ANKRD62: variants seen among roughly 807,000 people sequenced by gnomAD.
The protein encoded by ANKRD62 is ankyrin repeat domain-containing protein 62.
A neutral mutation model predicts 98.8 loss-of-function variants in ANKRD62; 61 were observed. The observed-to-expected ratio is 0.62, with a 90% CI of 0.50 to 0.76. The LOEUF (loss-of-function observed/expected upper bound fraction) is 0.76. Ranked by LOEUF, ANKRD62 falls within the 30% of genes least tolerant of loss-of-function variation. The pLI is 0.00. For missense variants in ANKRD62, 933 were observed against 1,082.9 expected (o/e 0.86, Z 1.94); for synonymous variants, 341 against 367.9 (o/e 0.93, Z 0.84).
intron 6 of ANKRD62, chr18:12,102,733 C>T: frequency 2.0e-6 from 2 of 1,007,320 alleles, no homozygotes; most frequent in Non-Finnish European, 2.4e-6. Flanking sequence ...TAAGCAGTAA[C>T]AGTCATATTG....
intron 10 of ANKRD62, 125 bp from the exon 11 acceptor site, chr18:12,122,178 G>A (rs1158147665): frequency 1.6e-6 from 1 of 635,770 alleles, no homozygotes; most frequent in Non-Finnish European, 2.5e-6. Context: ...TTTCCACATT[G>A]CAAGCACTTA....
chr18:12,160,595 G>C, the ANKRD62 span, among the ~76,000 whole-genome samples: 155 of 152,216 alleles, frequency 1.0e-3, no homozygotes, highest in Non-Finnish European at 1.8e-3. Context: ...TTCAGCTGGG[G>C]CTTGTATTTC....
At chr18:12,106,821 G>T (rs1444673258) in intron 7 of ANKRD62, among the ~76,000 whole-genome samples, 1 of 152,108 alleles carries the variant, frequency 6.6e-6, no homozygotes, top group Non-Finnish European at 1.5e-5. Context: ...AAAAGACAGT[G>T]GGAAAAGAAA....
chr18:12,094,338 G>T, intron 1 of ANKRD62, 103 bp downstream of exon 1: 2 of 385,168 alleles, frequency 5.2e-6, no homozygotes, highest in Admixed American at 1.1e-4. Flanking sequence ...AGGCGTGGGT[G>T]GGGTGGAAGT....
At chr18:12,107,153 G>T in intron 7 of ANKRD62, 142 bp from the exon 8 acceptor site, 3 of 288,758 alleles carry the variant, frequency 1.0e-5, no homozygotes, top group Non-Finnish European at 1.2e-5. Context: ...TATATATAAT[G>T]AAAAAGTAAG....
In ANKRD62 at chr18:12,102,092, C is replaced by G. The variant is rs1909311605; in HGVS notation, c.821-1066C>G. The G allele has an allele frequency of 2.9e-6, 4 of 1,371,930 alleles. No individual in the cohort carries two copies. In the Admixed American group the frequency reaches 6.7e-5, roughly 23 times the overall value. The allele number at this position is 1,371,930 out of a possible 1,614,324, so 85.0% of individuals were successfully genotyped here. Reference sequence around the variant, plus strand: ...GTTAAAGCTGAAAGTGCCAGAAGCTCTGCCTTGGGAGCTTTCTGCAAGGCA... The same window carrying G: ...GTTAAAGCTGAAAGTGCCAGAAGCTGTGCCTTGGGAGCTTTCTGCAAGGCA... On this transcript the variant is annotated intron_variant, in intron 6 of 13. Coordinates refer to ENST00000587848, the MANE Select transcript of ANKRD62 (RefSeq NM_001277333.2).
chr18:12,139,983 C>G, the ANKRD62 span, among the ~76,000 whole-genome samples: 1 of 152,200 alleles, frequency 6.6e-6, no homozygotes, highest in East Asian at 1.9e-4. Flanking sequence ...TTCAGGTACA[C>G]CAATGATATG....
chr18:12,097,840 C>T (rs1909214667), intron 5 of ANKRD62, 63 bp downstream of exon 5: 11 of 1,498,306 alleles, frequency 7.3e-6, no homozygotes, highest in Non-Finnish European at 8.9e-6. Context: ...ACCATTGCAT[C>T]TTATATATCA....
chr18:12,097,703 C>CAAT lies in ANKRD62; in HGVS notation c.680_682dup (p.Asn227dup). 6.5e-7 allele frequency: 1 copy of CAAT among 1,536,028 alleles called. No individual in the cohort carries two copies. Among genetic ancestry groups the CAAT allele is most frequent in the Non-Finnish European group, 8.7e-7 (1 of 1,146,800 alleles). ...GTGTAGTCTACCAGCTTCTTCAGCA[C>CAAT]AATATTGATGTCTTTTGCCAAGATA... On this transcript the variant is annotated inframe_insertion, in exon 5 of 14. Transcript: ENST00000587848.
chr18:12,152,079 T>A, the ANKRD62 span, among the ~76,000 whole-genome samples: 1 of 118,528 alleles, frequency 8.4e-6, no homozygotes. Flanking sequence ...ATAAATAAGC[T>A]ACCAAAAAAA....
chr18:12,129,947 G>A (rs1279349391), downstream of ANKRD62, among the ~76,000 whole-genome samples: 6 of 152,106 alleles, frequency 3.9e-5, no homozygotes, highest in Non-Finnish European at 5.9e-5. Context: ...TGCAAGAAAT[G>A]CAGAATCAAC....
Position 12,094,044 on chromosome 18 carries a change from G to T in ANKRD62, c.27G>T (p.Ala9=). 1 of 1,535,160 alleles carries T rather than the reference G, an allele frequency of 6.5e-7. No individual in the cohort carries two copies. The highest frequency in any genetic ancestry group is 8.7e-7 in the Non-Finnish European group (1 of 1,146,754). Residue 9 remains alanine (A), a synonymous_variant, in exon 1 of 14, where the codon GCG becomes GCT. Transcript: ENST00000587848. Reference sequence around the variant, plus strand: ...TGGAGGTCAGGGGGTCGTTCCTGGCGGCCTGCAGGAGACGCATGGCTACCT... The same window carrying T: ...TGGAGGTCAGGGGGTCGTTCCTGGCTGCCTGCAGGAGACGCATGGCTACCT... MEVRGSFL[A]ACRRRMATWR...
At chr18:12,112,192 C>T (rs986564735) in intron 8 of ANKRD62, among the ~76,000 whole-genome samples, 2 of 149,778 alleles carry the variant, frequency 1.3e-5, no homozygotes, top group Non-Finnish European at 3.0e-5. Context: ...CTACCATTGA[C>T]ATTCTTTACA....
the ANKRD62 span, among the ~76,000 whole-genome samples, chr18:12,164,519 A>G: frequency 6.6e-6 from 1 of 151,686 alleles, no homozygotes; most frequent in African/African-American, 2.4e-5. Flanking sequence ...TATATCTTCC[A>G]CTAATTTCAA....
the ANKRD62 span, among the ~76,000 whole-genome samples, chr18:12,171,893 A>G: frequency 6.6e-4 from 101 of 152,204 alleles, 2 homozygotes; most frequent in Admixed American, 1.9e-3. Flanking sequence ...TTGATCTTCA[A>G]TCACTGATAC....
rs1364341464 is a variant in ANKRD62 at position 12,094,203 on chromosome 18, G to A, written c.186G>A (p.Leu62=). The A allele has an allele frequency of 6.5e-7, 1 of 1,530,386 alleles. No homozygotes were observed. The highest frequency in any genetic ancestry group is 2.0e-5 in the Admixed American group (1 of 50,288). The allele number at this position is 1,530,386 out of a possible 1,614,324, so 94.8% of individuals were successfully genotyped here. The change falls in exon 1 of 14, where the codon CTG becomes CTA. Residue 62 remains leucine (L), a synonymous_variant. Coordinates refer to ENST00000587848, the MANE Select transcript of ANKRD62 (RefSeq NM_001277333.2). ...NKVMESILLR[L]NDLNDRDKKN... ...TGATGGAGAGCATCTTGCTCAGGCT[G>A]AATGACTTGAACGACAGGGACAAGA...
chr18:12,127,823 A>C lies in ANKRD62; in HGVS notation c.2638A>C (p.Ile880Leu). The C allele has an allele frequency of 5.9e-6, 9 of 1,520,794 alleles. No homozygotes were observed. Among genetic ancestry groups the C allele is most frequent in the Non-Finnish European group, 7.9e-6 (9 of 1,140,860 alleles). 94.2% of individuals were successfully genotyped at this position (1,520,794 alleles called of 1,614,324 possible). A position where few individuals can be genotyped will look rare whatever the true frequency, so the allele number is the denominator to read the frequency against. Residue 880 changes from isoleucine to leucine, a missense_variant, in exon 14 of 14, where the codon ATT becomes CTT. Transcript: ENST00000587848. ...ATTGCTGTTAGAAGCTATGCTAGAG[A>C]TTTCATCAGAACGTCGTATTAATTT... is the stretch of plus-strand genomic sequence containing the variant. ...KQLLLEAMLE[I>L]SSERRINLED...
chr18:12,134,709 C>A (rs1469084749), downstream of ANKRD62, among the ~76,000 whole-genome samples: 1 of 151,952 alleles, frequency 6.6e-6, no homozygotes, highest in African/African-American at 2.4e-5. Flanking sequence ...TGAACTCATC[C>A]TTTTTTATGG....
chr18:12,109,058 A>G (rs959409359), intron 8 of ANKRD62, among the ~76,000 whole-genome samples: 19 of 152,110 alleles, frequency 1.2e-4, no homozygotes, highest in Admixed American at 1.1e-3. Flanking sequence ...CAGTGGATCT[A>G]CCTTTCTGGG....
Sources: gnomAD v4.1 joint callset for allele counts (sites outside exome capture counted in the v4.1 genomes callset) on GRCh38, gnomAD v4.1.1 for gene constraint, MANE v1.5 for transcripts, NCBI Gene and HGNC (gene_info 2026-07-23, HGNC 2026-07-21) for gene names.